BLNK: variants seen among roughly 807,000 people sequenced by gnomAD.
The protein encoded by BLNK is B cell linker, also known as B-cell linker protein.
In BLNK, 29 loss-of-function variants were observed where a neutral mutation model predicts 73.5. The observed-to-expected ratio is 0.39, with a 90% CI of 0.29 to 0.54. BLNK has a LOEUF of 0.54. Among genes scored for constraint, BLNK ranks in the 20% least tolerant of loss-of-function variants. The pLI is 0.61. For synonymous variants in BLNK, 176 were observed against 200.8 expected, an observed-to-expected ratio of 0.88 and a Z score of 1.04; for missense variants, 460 against 562.8, an observed-to-expected ratio of 0.82 and a Z score of 1.85.
chr10:96,232,676 T>C (rs1842546551), intron 3 of BLNK, among the ~76,000 whole-genome samples: 1 of 152,190 alleles, frequency 6.6e-6, no homozygotes. Context: ...ACATTATTCT[T>C]TGGGTTGACT....
intron 2 of BLNK, among the ~76,000 whole-genome samples, chr10:96,245,822 A>G (rs1417673032): frequency 6.6e-6 from 1 of 151,084 alleles, no homozygotes; most frequent in Non-Finnish European, 1.5e-5. Flanking sequence ...ATACATATAT[A>G]CATACTTATA....
At chr10:96,268,064 A>G (rs1844092264) in intron 1 of BLNK, among the ~76,000 whole-genome samples, 1 of 152,172 alleles carries the variant, frequency 6.6e-6, no homozygotes, top group South Asian at 2.1e-4. Context: ...TAATGGAAAA[A>G]TGCCATACTC....
intron 1 of BLNK, among the ~76,000 whole-genome samples, chr10:96,271,134 C>T (rs898785226): frequency 6.6e-6 from 1 of 152,200 alleles, no homozygotes; most frequent in East Asian, 1.9e-4. Flanking sequence ...AAGCAAGTCT[C>T]TCTTGTTCCT....
intron 11 of BLNK, among the ~76,000 whole-genome samples, chr10:96,205,629 C>A (rs1213507855): frequency 6.6e-6 from 1 of 152,314 alleles, no homozygotes; most frequent in East Asian, 1.9e-4. Context: ...GTCTTGCCAG[C>A]CTATAAGCTT....
At chr10:96,242,903 G>T in intron 2 of BLNK, 119 bp from the exon 3 acceptor site, 1 of 872,340 alleles carries the variant, frequency 1.1e-6, no homozygotes, top group Non-Finnish European at 2.0e-6. Context: ...GGCTTCTCTT[G>T]GACCAATCAA....
chr10:96,235,103 G>A (rs782045392), intron 3 of BLNK, among the ~76,000 whole-genome samples: 11 of 152,214 alleles, frequency 7.2e-5, no homozygotes, highest in Non-Finnish European at 1.5e-4. Flanking sequence ...CAGACACAAG[G>A]AGATGTGAGA....
In BLNK at chr10:96,191,885, C is replaced by A. The variant is rs2083335050; in HGVS notation, c.*88G>T. ...TTTTATTACTGGATGATTCATAATC[C>A]AAAATATGAAGTTTTGGGACTTTTT... On this transcript the variant is annotated 3_prime_UTR_variant, in exon 17 of 17. Coordinates refer to ENST00000224337, the MANE Select transcript of BLNK (RefSeq NM_013314.4). The A allele has an allele frequency of 3.9e-6, 6 of 1,547,010 alleles. No homozygotes were observed. The South Asian group carries it at 6.8e-5, about 18-fold the overall frequency.
chr10:96,241,403 T>C (rs1386506694), intron 3 of BLNK, among the ~76,000 whole-genome samples: 2 of 152,214 alleles, frequency 1.3e-5, no homozygotes, highest in African/African-American at 4.8e-5. Flanking sequence ...AAATGTGTAT[T>C]GAATATTTCA....
intron 1 of BLNK, among the ~76,000 whole-genome samples, chr10:96,269,517 C>T (rs1554915049): frequency 6.6e-6 from 1 of 152,064 alleles, no homozygotes; most frequent in Non-Finnish European, 1.5e-5. Flanking sequence ...TTTCCCTCTT[C>T]CTTCTCACTG....
At chr10:96,209,775 A>T in intron 9 of BLNK, 63 bp downstream of exon 9, 2 of 1,583,628 alleles carry the variant, frequency 1.3e-6, no homozygotes, top group Non-Finnish European at 8.7e-7. Context: ...TCAACAGGGC[A>T]GTGGGGTATC....
At chr10:96,263,946 C>T (rs1843875941) in intron 1 of BLNK, among the ~76,000 whole-genome samples, 1 of 152,186 alleles carries the variant, frequency 6.6e-6, no homozygotes, top group African/African-American at 2.4e-5. Context: ...GCCAGCATCA[C>T]ACTTCAGGGT....
intron 1 of BLNK, among the ~76,000 whole-genome samples, chr10:96,260,529 G>C (rs1474261530): frequency 3.3e-5 from 5 of 152,138 alleles, no homozygotes; most frequent in Admixed American, 2.0e-4. Flanking sequence ...TTAACTTAAT[G>C]GGGGAAAAAG....
chr10:96,257,400 C>T (rs1193583863), intron 1 of BLNK, among the ~76,000 whole-genome samples: 4 of 152,268 alleles, frequency 2.6e-5, no homozygotes, highest in African/African-American at 9.6e-5. Context: ...GCCTCGAGCT[C>T]GTGACAGCGT....
At chr10:96,202,604 T>G (rs1350208073) in intron 13 of BLNK, among the ~76,000 whole-genome samples, 4 of 152,072 alleles carry the variant, frequency 2.6e-5, no homozygotes, top group African/African-American at 9.7e-5. Flanking sequence ...GCAGCCACCA[T>G]TGTAAGAGGA....
At chr10:96,223,261 T>A (rs2084241174) in intron 6 of BLNK, among the ~76,000 whole-genome samples, 1 of 152,062 alleles carries the variant, frequency 6.6e-6, no homozygotes. Flanking sequence ...AAAGGAAGAA[T>A]CAGGGGAGAA....
intron 7 of BLNK, 89 bp from the exon 8 acceptor site, chr10:96,215,478 G>A (rs1404378827): frequency 7.9e-7 from 1 of 1,273,740 alleles, no homozygotes; most frequent in African/African-American, 1.5e-5. Flanking sequence ...TTCACACTCA[G>A]GGAAAAATGA....
chr10:96,269,585 C>G (rs979824742), intron 1 of BLNK, among the ~76,000 whole-genome samples: 1 of 152,058 alleles, frequency 6.6e-6, no homozygotes, highest in Non-Finnish European at 1.5e-5. Flanking sequence ...AGCGCTCCTC[C>G]CTCCCACCAG....
chr10:96,244,296 A>C (rs1564842374), intron 2 of BLNK, among the ~76,000 whole-genome samples: 1 of 152,240 alleles, frequency 6.6e-6, no homozygotes, highest in East Asian at 1.9e-4. Context: ...TTCAAGGAAT[A>C]GTAAAATTTC....
chr10:96,243,689 A>G (rs1842946817), intron 2 of BLNK, among the ~76,000 whole-genome samples: 1 of 152,234 alleles, frequency 6.6e-6, no homozygotes, highest in Non-Finnish European at 1.5e-5. Flanking sequence ...CTTTATGCAC[A>G]TATGAAATGT....
Sources: gnomAD v4.1 joint callset for allele counts (sites outside exome capture counted in the v4.1 genomes callset) on GRCh38, gnomAD v4.1.1 for gene constraint, MANE v1.5 for transcripts, NCBI Gene and HGNC (gene_info 2026-07-23, HGNC 2026-07-21) for gene names.